Variants in CACNA2D1 observed in about 807,000 individuals in gnomAD.
CACNA2D1 encodes the protein voltage-dependent calcium channel subunit alpha-2/delta-1.
Under a neutral mutation model 171.5 loss-of-function variants are expected in CACNA2D1, and 53 were observed. The observed-to-expected ratio is 0.31, with a 90% confidence interval of 0.25 to 0.39. The LOEUF is 0.39. Ranked by LOEUF, CACNA2D1 falls within the 10% of genes least tolerant of loss-of-function variation. The probability of loss-of-function intolerance (pLI) is 1.00; values close to 1 mark genes in which losing one functional copy is unlikely to be tolerated. For synonymous variants in CACNA2D1, 442 were observed against 443.1 expected (o/e 1.00, Z 0.03); for missense variants, 903 against 1,299.8 (o/e 0.69, Z 4.69).
chr7:82,144,288 T>C (rs1792732513), intron 4 of CACNA2D1, among the ~76,000 whole-genome samples: 1 of 152,148 alleles, frequency 6.6e-6, no homozygotes, highest in South Asian at 2.1e-4. Flanking sequence ...TCTGATTTTC[T>C]ATTACTAATA....
chr7:82,438,566 T>C (rs1172483065), intron 1 of CACNA2D1, among the ~76,000 whole-genome samples: 4 of 152,188 alleles, frequency 2.6e-5, no homozygotes, highest in African/African-American at 9.6e-5. Context: ...CATGTTTCAG[T>C]GCACATACAA....
intron 1 of CACNA2D1, among the ~76,000 whole-genome samples, chr7:82,360,463 A>T (rs1163208559): frequency 6.6e-6 from 1 of 152,166 alleles, no homozygotes; most frequent in East Asian, 1.9e-4. Context: ...AAATTAAACA[A>T]GTACCATTTA....
At chr7:82,294,960 G>A (rs1420423837) in intron 3 of CACNA2D1, among the ~76,000 whole-genome samples, 1 of 152,058 alleles carries the variant, frequency 6.6e-6, no homozygotes, top group Non-Finnish European at 1.5e-5. Flanking sequence ...AACTAATACA[G>A]GGCTCATAGT....
intron 3 of CACNA2D1, among the ~76,000 whole-genome samples, chr7:82,192,460 T>TTGTGTGTGTG (rs200160135): frequency 7.3e-6 from 1 of 136,682 alleles, no homozygotes; most frequent in Non-Finnish European, 1.6e-5. Context: ...GTGTTTGTGT[T>TTGTGTGTGTG]TGTGTGTGTG....
intron 4 of CACNA2D1, among the ~76,000 whole-genome samples, chr7:82,148,435 A>G (rs1051381477): frequency 5.9e-5 from 9 of 152,202 alleles, no homozygotes; most frequent in Non-Finnish European, 1.2e-4. Context: ...TAAAAGTGAC[A>G]TGTATATGGA....
chr7:82,118,974 C>A (rs1789401324), intron 5 of CACNA2D1, among the ~76,000 whole-genome samples: 1 of 152,008 alleles, frequency 6.6e-6, no homozygotes, highest in Admixed American at 6.6e-5. Context: ...GTTCCTTATA[C>A]CATCATACTC....
chr7:82,050,472 A>G, intron 10 of CACNA2D1: 1 of 661,578 alleles, frequency 1.5e-6, no homozygotes, highest in East Asian at 2.7e-5. Flanking sequence ...AGGTAGTGAG[A>G]TGGGTTTCCA....
intron 1 of CACNA2D1, among the ~76,000 whole-genome samples, chr7:82,439,788 G>T (rs1212291283): frequency 6.6e-6 from 1 of 151,506 alleles, no homozygotes; most frequent in African/African-American, 2.4e-5. Context: ...ATATGGTTAA[G>T]CCGATGAGAA....
At chr7:81,998,105 T>C (rs944412468) in intron 18 of CACNA2D1, among the ~76,000 whole-genome samples, 12 of 151,990 alleles carry the variant, frequency 7.9e-5, no homozygotes, top group Admixed American at 2.6e-4. Context: ...TGAAGATTCA[T>C]TGAACTATTT....
In CACNA2D1 at chr7:82,220,781, CT is replaced by C. The variant is rs71093369; in HGVS notation, c.295-50173del. Among the ~76,000 whole-genome samples, 532 of 134,396 alleles carry C rather than the reference CT, an allele frequency of 4.0e-3. 2 individuals carry two copies. The highest frequency in any genetic ancestry group is 0.012 in the African/African-American group (448 of 36,832). The allele number at this position is 134,396 out of a possible 152,430, so 88.2% of individuals were successfully genotyped here. A position where few individuals can be genotyped will look rare whatever the true frequency, so the allele number is the denominator to read the frequency against. On this transcript the variant is annotated intron_variant, in intron 3 of 38. Transcript: ENST00000356860. ...AGAAAAGTTTCTTTCTTTCTTTTTT[CT>C]TTTTTTTTTTTTTTGAGATGGAATC...
At chr7:82,353,409 C>T (rs1191642231) in intron 1 of CACNA2D1, among the ~76,000 whole-genome samples, 1 of 151,858 alleles carries the variant, frequency 6.6e-6, no homozygotes, top group Non-Finnish European at 1.5e-5. Flanking sequence ...TTTATTGGTT[C>T]GATTAGAGGT....
chr7:82,000,970 A>G (rs1407180134), intron 18 of CACNA2D1, among the ~76,000 whole-genome samples: 1 of 151,398 alleles, frequency 6.6e-6, no homozygotes, highest in Non-Finnish European at 1.5e-5. Flanking sequence ...AGGCTTACCT[A>G]CACAATCTTA....
At chr7:82,319,942 G>A (rs1414087941) in intron 3 of CACNA2D1, among the ~76,000 whole-genome samples, 3 of 152,134 alleles carry the variant, frequency 2.0e-5, no homozygotes, top group Non-Finnish European at 4.4e-5. Flanking sequence ...AGAATACAAG[G>A]ACTGCCAACA....
chr7:82,218,534 T>G (rs1801420356), intron 3 of CACNA2D1, among the ~76,000 whole-genome samples: 1 of 152,194 alleles, frequency 6.6e-6, no homozygotes, highest in African/African-American at 2.4e-5. Flanking sequence ...TACTATAAAA[T>G]AGGAGTGTAG....
intron 1 of CACNA2D1, among the ~76,000 whole-genome samples, chr7:82,416,819 T>C (rs1828223672): frequency 1.3e-5 from 2 of 152,198 alleles, no homozygotes; most frequent in African/African-American, 4.8e-5. Context: ...GGAGCACAAG[T>C]CAACCCATGT....
intron 3 of CACNA2D1, among the ~76,000 whole-genome samples, chr7:82,295,397 C>T (rs191543157): frequency 9.1e-4 from 138 of 151,156 alleles, no homozygotes; most frequent in African/African-American, 2.8e-3. Context: ...AGTACAGTGG[C>T]GCAATCACTG....
intron 3 of CACNA2D1, among the ~76,000 whole-genome samples, chr7:82,314,461 G>T (rs1814848620): frequency 6.6e-6 from 1 of 152,054 alleles, no homozygotes; most frequent in Non-Finnish European, 1.5e-5. Flanking sequence ...ATTCTTATTT[G>T]TTCCTATAGT....
In CACNA2D1 at chr7:82,428,506, A is replaced by G. The variant is rs552000620; in HGVS notation, c.95+14859T>C. Among the ~76,000 whole-genome samples, 460 of 152,366 alleles carry G rather than the reference A, an allele frequency of 3.0e-3. 2 individuals are homozygous for G. Among genetic ancestry groups the G allele is most frequent in the African/African-American group, 0.01 (434 of 41,592 alleles). On this transcript the variant is annotated intron_variant, in intron 1 of 38. Transcript: ENST00000356860. ...TTCTAATCAGATAAATGTGAAAAGC[A>G]TAAGAGAAAACAGTAGTCTTTACTA...
At chr7:82,122,112 G>C (rs182443065) in intron 5 of CACNA2D1, among the ~76,000 whole-genome samples, 274 of 152,124 alleles carry the variant, frequency 1.8e-3, no homozygotes, top group African/African-American at 6.5e-3. Context: ...AGATTTTGGG[G>C]AAAAGTGAAA....
Sources: allele counts gnomAD v4.1 joint callset (sites outside exome capture counted in the v4.1 genomes callset), GRCh38; gene constraint gnomAD v4.1.1; transcripts MANE v1.5; gene names NCBI Gene and HGNC (gene_info 2026-07-23, HGNC 2026-07-21).